NGEF: variants seen among roughly 807,000 people sequenced by gnomAD.
The protein encoded by NGEF is neuronal guanine nucleotide exchange factor, also known as ephexin-1.
In NGEF, 31 loss-of-function variants were observed where a neutral mutation model predicts 80.9. The observed-to-expected ratio is 0.38, with a 90% CI of 0.29 to 0.52. The LOEUF (loss-of-function observed/expected upper bound fraction) is 0.52. Ranked by LOEUF, NGEF falls within the 20% of genes least tolerant of loss-of-function variation. NGEF has a pLI of 0.84. For missense variants in NGEF, 709 were observed against 926.2 expected (o/e 0.77, Z 3.04); for synonymous variants, 371 against 370.2 (o/e 1.00, Z -0.03).
At chr2:232,950,137 G>A (rs1366189744) in intron 3 of NGEF, among the ~76,000 whole-genome samples, 1 of 152,166 alleles carries the variant, frequency 6.6e-6, no homozygotes, top group East Asian at 1.9e-4. Flanking sequence ...GTACCAGTTT[G>A]ATGGATGAAA....
chr2:232,983,786 A>G (rs1694483837), intron 1 of NGEF, among the ~76,000 whole-genome samples: 1 of 152,184 alleles, frequency 6.6e-6, no homozygotes, highest in South Asian at 2.1e-4. Context: ...CCAGTTTAAC[A>G]ATCGTAATTT....
At chr2:232,930,528 GAGACAGGGTTTCACCATTTC>G (rs1434103556) in intron 3 of NGEF, among the ~76,000 whole-genome samples, 4 of 99,074 alleles carry the variant, frequency 4.0e-5, no homozygotes, top group East Asian at 2.9e-4. Context: ...CCATATCATA[GAGACAGGGTTTCACCATTTC>G]GCCAGGCTGG....
intron 1 of NGEF, among the ~76,000 whole-genome samples, chr2:233,002,454 G>C (rs1262833414): frequency 1.3e-5 from 2 of 152,082 alleles, no homozygotes; most frequent in African/African-American, 4.8e-5. Flanking sequence ...GAGGCAGGAG[G>C]GTCACTTCAG....
At chr2:232,967,702 TA>T (rs1694093132) in intron 3 of NGEF, among the ~76,000 whole-genome samples, 1 of 100,610 alleles carries the variant, frequency 9.9e-6, no homozygotes, top group Non-Finnish European at 2.1e-5. Flanking sequence ...GCAAATAAAA[TA>T]GGGGTGTGTG....
At chr2:232,993,142 TATATATGGGCAAATA>T (rs1694689736) in intron 1 of NGEF, among the ~76,000 whole-genome samples, 1 of 111,928 alleles carries the variant, frequency 8.9e-6, no homozygotes, top group African/African-American at 3.9e-5. Context: ...TTTATTTATA[TATATATGGGCAAATA>T]TATATATATT....
rs142003403 is a variant in NGEF at position 232,928,779 on chromosome 2, C to T, written c.384-1593G>A. Among the ~76,000 whole-genome samples, 727 of 152,304 alleles carry T rather than the reference C, an allele frequency of 4.8e-3. 8 individuals carry two copies. The highest frequency in any genetic ancestry group is 0.017 in the African/African-American group (702 of 41,574). Reference sequence around the variant, plus strand: ...CGGGTCTGGGATGGGTTCGGGGGCACCAGAGGAGGAGAAACCAAGTGCCCG... The same window carrying T: ...CGGGTCTGGGATGGGTTCGGGGGCATCAGAGGAGGAGAAACCAAGTGCCCG... On this transcript the variant is annotated intron_variant, in intron 3 of 14. Transcript: ENST00000264051.
intron 3 of NGEF, among the ~76,000 whole-genome samples, chr2:232,942,790 C>T (rs1332942621): frequency 1.4e-5 from 1 of 69,306 alleles, no homozygotes; most frequent in African/African-American, 6.4e-5. Context: ...GAGACTCCGT[C>T]TCAAAAAAAA....
intron 5 of NGEF, among the ~76,000 whole-genome samples, chr2:232,900,027 CTCACAT>C (rs1205112388): frequency 4.2e-5 from 6 of 142,564 alleles, no homozygotes; most frequent in Non-Finnish European, 7.6e-5. Context: ...TACACGTTCA[CTCACAT>C]TCACTCACAC....
At chr2:232,956,699 C>G (rs997237371) in intron 3 of NGEF, among the ~76,000 whole-genome samples, 1 of 148,576 alleles carries the variant, frequency 6.7e-6, no homozygotes, top group South Asian at 2.1e-4. Flanking sequence ...CGCTCAAACC[C>G]AGGAGGTGGA....
intron 3 of NGEF, among the ~76,000 whole-genome samples, chr2:232,932,353 G>A (rs12104915): frequency 0.051 from 7,805 of 151,828 alleles, 714 homozygotes; most frequent in African/African-American, 0.18. Context: ...TTTTAGTAGA[G>A]ATGGGGTTTC....
At chr2:232,997,342 G>A (rs1694875003) in intron 1 of NGEF, among the ~76,000 whole-genome samples, 1 of 152,164 alleles carries the variant, frequency 6.6e-6, no homozygotes, top group Non-Finnish European at 1.5e-5. Context: ...GTTGCTTTTA[G>A]GAATCGCTAA....
intron 3 of NGEF, among the ~76,000 whole-genome samples, chr2:232,946,186 G>C (rs1693554172): frequency 6.6e-6 from 1 of 151,868 alleles, no homozygotes. Context: ...CTCAGGAATG[G>C]AAAACCAAAT....
rs561309828 is a variant in NGEF at position 232,903,402 on chromosome 2, T to C, written c.829-8486A>G. 5.3e-5 allele frequency among the ~76,000 whole-genome samples: 8 copies of C among 152,096 alleles called. No homozygotes were observed. In the South Asian group the frequency reaches 1.7e-3, roughly 32 times the overall value. On this transcript the variant is annotated intron_variant, in intron 5 of 14. Coordinates refer to ENST00000264051, the MANE Select transcript of NGEF (RefSeq NM_019850.3). ...TGGAGATGGAAAGATATGGTCAGTA[T>C]TTTAATACTAGTTTACATTTGTGTG...
chr2:232,951,341 A>G (rs913906368), intron 3 of NGEF, among the ~76,000 whole-genome samples: 1 of 151,514 alleles, frequency 6.6e-6, no homozygotes, highest in African/African-American at 2.4e-5. Flanking sequence ...TCTGCCTTGA[A>G]CTCGGATCCA....
intron 3 of NGEF, among the ~76,000 whole-genome samples, chr2:232,942,911 T>C (rs1693469932): frequency 6.7e-6 from 1 of 149,134 alleles, no homozygotes; most frequent in Admixed American, 6.7e-5. Flanking sequence ...TTTCTTTTTT[T>C]TTTTTTTTTT....
intron 3 of NGEF, among the ~76,000 whole-genome samples, chr2:232,963,419 A>G (rs1372216359): frequency 6.6e-6 from 1 of 152,002 alleles, no homozygotes; most frequent in African/African-American, 2.4e-5. Flanking sequence ...TATCTTCATG[A>G]CTTCAAAGTG....
In NGEF at chr2:232,950,447, C is replaced by T. The variant is rs1301115344; in HGVS notation, c.383+19767G>A. On this transcript the variant is annotated intron_variant, in intron 3 of 14. Transcript: ENST00000264051. ...GTGCTGAGTGTGGCAGTGGGACCCC[C>T]CACCCCCAAATCCCAACCCCCCTTT... 2.0e-5 allele frequency among the ~76,000 whole-genome samples: 3 copies of T among 151,956 alleles called. No individual in the cohort carries two copies. The East Asian group carries it at 5.8e-4, about 29-fold the overall frequency.
chr2:232,884,082 T>C lies in NGEF; in HGVS notation c.1500A>G (p.Ser500=). 1 of 1,612,040 alleles carries C rather than the reference T, an allele frequency of 6.2e-7. No individual in the cohort carries two copies. The highest frequency in any genetic ancestry group is 8.5e-7 in the Non-Finnish European group (1 of 1,179,494). ...TCAGGGTCCGGGAGGTCTTGGGGCCTGACATCTGCTGCAGCTCACCCTGCT... is the reference window on the plus strand; with the variant it reads ...TCAGGGTCCGGGAGGTCTTGGGGCCCGACATCTGCTGCAGCTCACCCTGCT... The part of the protein sequence containing the change: ...LLKQGELQQM[S]GPKTSRTLRT... The change falls in exon 11 of 15, where the codon TCA becomes TCG. Residue 500 remains serine (S), a synonymous_variant. Coordinates refer to ENST00000264051, the MANE Select transcript of NGEF (RefSeq NM_019850.3).
chr2:232,899,272 T>A (rs1044509688), intron 5 of NGEF, among the ~76,000 whole-genome samples: 4 of 72,348 alleles, frequency 5.5e-5, no homozygotes, highest in African/African-American at 1.4e-4. Context: ...CTACAGAAGC[T>A]CCTCCTCAGG....
Sources: gnomAD v4.1 joint callset for allele counts (sites outside exome capture counted in the v4.1 genomes callset) on GRCh38, gnomAD v4.1.1 for gene constraint, MANE v1.5 for transcripts, NCBI Gene and HGNC (gene_info 2026-07-23, HGNC 2026-07-21) for gene names.